Variants in TAPT1 observed in about 807,000 individuals in gnomAD.
The protein encoded by TAPT1 is transmembrane anterior posterior transformation 1.
TAPT1 carries 28 observed loss-of-function variants against 65.6 expected under a neutral mutation model. The observed-to-expected ratio is 0.43, with a 90% CI of 0.32 to 0.59. The LOEUF is 0.59. Among genes scored for constraint, TAPT1 ranks in the 20% least tolerant of loss-of-function variants. The pLI, the probability that TAPT1 is intolerant of heterozygous loss-of-function variation, is 0.09. For synonymous variants in TAPT1, 278 were observed against 245.2 expected (o/e 1.13, Z -1.25); for missense variants, 563 against 679.9 (o/e 0.83, Z 1.91).
intron 2 of TAPT1, among the ~76,000 whole-genome samples, chr4:16,211,556 A>G (rs986954774): frequency 6.6e-6 from 1 of 152,244 alleles, no homozygotes; most frequent in Non-Finnish European, 1.5e-5. Context: ...AAAGCTTCTT[A>G]AGTATTGTTC....
rs555756498 is a variant in TAPT1, at chr4:16,202,424, T to C, written c.449+38A>G. 3.3e-5 allele frequency: 39 copies of C among 1,196,932 alleles called. No homozygotes were observed. In the African/African-American group the frequency reaches 5.0e-4, roughly 15 times the overall value. The allele number at this position is 1,196,932 out of a possible 1,614,324, so 74.1% of individuals were successfully genotyped here. On this transcript the variant is annotated intron_variant, in intron 3 of 13. Coordinates refer to ENST00000405303, the MANE Select transcript of TAPT1 (RefSeq NM_153365.3). ...ACTACAAGTATTAAAAATAATGAAA[T>C]ACTATACATTTACAATAGTTAACGA...
In TAPT1 at chr4:16,226,309, A is replaced by C. The variant is rs1259394520; in HGVS notation, c.149T>G (p.Leu50Arg). ...PPPAPQLTET[L>R]GFYESDRRRE... The stretch of plus-strand genomic sequence containing the variant: ...CCGCCGGTCGCTCTCGTAGAAGCCC[A>C]GCGTCTCTGTGAGCTGAGGCGCCGG... Residue 50 changes from leucine (L) to arginine (R), a missense_variant, in exon 1 of 14, where the codon CTG becomes CGG. By Grantham distance (102) the Leu-to-Arg change is moderately radical. Transcript: ENST00000405303. 4 of 1,127,920 alleles carry C rather than the reference A, an allele frequency of 3.5e-6. No homozygotes were observed. Among genetic ancestry groups the C allele is most frequent in the Non-Finnish European group, 4.3e-6 (4 of 922,708 alleles). 69.9% of individuals were successfully genotyped at this position (1,127,920 alleles called of 1,614,324 possible).
chr4:16,169,392 T>C (rs918818980), intron 12 of TAPT1, among the ~76,000 whole-genome samples: 2 of 152,244 alleles, frequency 1.3e-5, no homozygotes, highest in South Asian at 2.1e-4. Flanking sequence ...ATTATTCCCA[T>C]TGAGATTACA....
intron 1 of TAPT1, among the ~76,000 whole-genome samples, chr4:16,219,431 T>C (rs1751122185): frequency 6.6e-6 from 1 of 152,200 alleles, no homozygotes; most frequent in Non-Finnish European, 1.5e-5. Context: ...GCAGGCCCCA[T>C]GTATCCCTAT....
intron 2 of TAPT1, among the ~76,000 whole-genome samples, chr4:16,206,497 T>C (rs1046023603): frequency 5.9e-5 from 9 of 151,744 alleles, no homozygotes; most frequent in Admixed American, 5.9e-4. Flanking sequence ...AAGGCAGGAG[T>C]GCCCTCAGGG....
At position 16,205,034 on chromosome 4, in the gene TAPT1, T is replaced by C. The variant is rs188488016; in HGVS notation, c.331-2454A>G. On this transcript the variant is annotated intron_variant, in intron 2 of 13. Transcript: ENST00000405303. ...ATCATATTTATTTTGAACCTAATAG[T>C]ACTGCACTTAGCATCTGAAAAATAC... is the stretch of plus-strand genomic sequence containing the variant. Among the ~76,000 whole-genome samples the C allele has an allele frequency of 2.0e-5, 3 of 152,320 alleles. No individual in the cohort carries two copies. In the East Asian group the frequency reaches 5.8e-4, roughly 29 times the overall value.
intron 7 of TAPT1, 47 bp from the exon 8 acceptor site, chr4:16,179,704 C>T: frequency 2.1e-6 from 2 of 941,966 alleles, no homozygotes; most frequent in South Asian, 3.5e-5. Flanking sequence ...ATATAAACAA[C>T]ATAATAAAGT....
At chr4:16,210,277 G>A (rs1266615419) in intron 2 of TAPT1, among the ~76,000 whole-genome samples, 1 of 152,178 alleles carries the variant, frequency 6.6e-6, no homozygotes, top group Admixed American at 6.5e-5. Flanking sequence ...TAGCAAAGTC[G>A]AATTTAGTGG....
chr4:16,192,199 C>G (rs993051053), intron 3 of TAPT1, among the ~76,000 whole-genome samples: 6 of 152,214 alleles, frequency 3.9e-5, no homozygotes, highest in Non-Finnish European at 8.8e-5. Flanking sequence ...GCCCACTGTA[C>G]TGGGTACAGT....
intron 2 of TAPT1, among the ~76,000 whole-genome samples, chr4:16,204,481 AT>A: frequency 6.6e-6 from 1 of 152,270 alleles, no homozygotes; most frequent in African/African-American, 2.4e-5. Flanking sequence ...CAAAATGTAC[AT>A]GTTTCAAAAT....
intron 1 of TAPT1, among the ~76,000 whole-genome samples, chr4:16,219,914 T>C (rs564527059): frequency 6.6e-6 from 1 of 152,308 alleles, no homozygotes; most frequent in Non-Finnish European, 1.5e-5. Context: ...CAACCATCTC[T>C]CTGACAATTA....
intron 10 of TAPT1, 175 bp downstream of exon 10, chr4:16,174,495 A>T: frequency 1.5e-6 from 1 of 679,216 alleles, no homozygotes; most frequent in Non-Finnish European, 2.5e-6. Context: ...ACTTAATGTT[A>T]AGTATTACTA....
chr4:16,194,865 T>TTGATTTCCCTCCTCC (rs1749599028), intron 3 of TAPT1, among the ~76,000 whole-genome samples: 1 of 17,574 alleles, frequency 5.7e-5, no homozygotes, highest in African/African-American at 1.5e-4. Context: ...TTCTGTCTTC[T>TTGATTTCCCTCCTCC]TCTTCTTCTT....
At chr4:16,226,971 G>C (rs1259889997), upstream of TAPT1, 4 of 440,540 alleles carry the variant, frequency 9.1e-6, no homozygotes, top group Non-Finnish European at 1.8e-5. Flanking sequence ...CCGCCCGCCA[G>C]GTCTTGGCAC....
At chr4:16,177,364 A>T (rs1244045679) in intron 8 of TAPT1, among the ~76,000 whole-genome samples, 1 of 152,176 alleles carries the variant, frequency 6.6e-6, no homozygotes, top group Non-Finnish European at 1.5e-5. Context: ...AGAATGTAAG[A>T]GTGGGACACA....
At chr4:16,193,615 C>G (rs910660498) in intron 3 of TAPT1, among the ~76,000 whole-genome samples, 5 of 152,158 alleles carry the variant, frequency 3.3e-5, no homozygotes, top group African/African-American at 7.2e-5. Context: ...TTATATCTGC[C>G]AAGAATTGGA....
chr4:16,207,396 G>T (rs4317201), intron 2 of TAPT1, among the ~76,000 whole-genome samples: 132,742 of 152,214 alleles, frequency 0.87, 58,417 homozygotes, highest in African/African-American at 0.97. Flanking sequence ...TATGACATTT[G>T]AAGTCCGTTC....
intron 1 of TAPT1, chr4:16,226,021 C>T (rs1439297965): frequency 2.0e-6 from 2 of 1,004,078 alleles, no homozygotes; most frequent in Non-Finnish European, 2.4e-6. Context: ...TTCTAGGGCA[C>T]ACCTGGCCTG....
chr4:16,185,518 G>C (rs1397489475), intron 7 of TAPT1, among the ~76,000 whole-genome samples: 1 of 151,838 alleles, frequency 6.6e-6, no homozygotes, highest in Admixed American at 6.6e-5. Flanking sequence ...ACAGGTACCC[G>C]CCACCACACC....
Sources: allele counts gnomAD v4.1 joint callset (sites outside exome capture counted in the v4.1 genomes callset), GRCh38; gene constraint gnomAD v4.1.1; transcripts MANE v1.5; gene names NCBI Gene and HGNC (gene_info 2026-07-23, HGNC 2026-07-21).